The following MAGI1 variants were observed in gnomAD, a reference collection of about 807,000 sequenced individuals.
MAGI1 encodes the protein membrane-associated guanylate kinase, WW and PDZ domain-containing protein 1.
In MAGI1, 58 loss-of-function variants were observed where a neutral mutation model predicts 139.9. The ratio of observed to expected loss-of-function variants is 0.41; its 90% confidence interval spans 0.34 to 0.52. The LOEUF is 0.52. Among genes scored for constraint, MAGI1 ranks in the 20% least tolerant of loss-of-function variants. The probability of loss-of-function intolerance (pLI) is 0.12; values close to 1 mark genes in which losing one functional copy is unlikely to be tolerated. For synonymous variants in MAGI1, 812 were observed against 737.9 expected (o/e 1.10, Z -1.63); for missense variants, 1,874 against 1,901.6 (o/e 0.99, Z 0.27).
rs60483769 is a variant in MAGI1 at position 65,998,448 on chromosome 3, A to G, written c.313+39548T>C. On this transcript the variant is annotated intron_variant, in intron 1 of 22. Coordinates refer to ENST00000402939, the MANE Select transcript of MAGI1 (RefSeq NM_001033057.2). ...AAACATTTGCTGAAGTAACAAATGA[A>G]AAGACTCAACTTGTTAGCACTTGCA... 1.4e-4 allele frequency among the ~76,000 whole-genome samples: 22 copies of G among 152,378 alleles called. No individual in the cohort carries two copies. The East Asian group carries it at 2.5e-3, about 17-fold the overall frequency.
intron 1 of MAGI1, among the ~76,000 whole-genome samples, chr3:65,990,746 G>A (rs1220756799): frequency 6.6e-6 from 1 of 152,150 alleles, no homozygotes; most frequent in African/African-American, 2.4e-5. Flanking sequence ...TATATATACA[G>A]ATACAGAAAT....
rs1947329074 is a variant in MAGI1, at chr3:65,429,627, A to T, written c.2060T>A (p.Val687Glu). The T allele has an allele frequency of 1.2e-6, 2 of 1,613,900 alleles. No individual in the cohort carries two copies. Among genetic ancestry groups the T allele is most frequent in the East Asian group, 2.2e-5 (1 of 44,850 alleles). Reference protein sequence around the residue: ...CRGLKEGDLIVEVNKKNVQAL... With the variant: ...CRGLKEGDLIEEVNKKNVQAL... ...CTGCACGTTCTTCTTATTAACTTCC[A>T]CTATGAGATCCCCTTCTTTCAGGCC... Residue 687 changes from valine (V) to glutamate (E), a missense_variant, in exon 12 of 23, where the codon GTG becomes GAG. Transcript: ENST00000402939.
intron 2 of MAGI1, among the ~76,000 whole-genome samples, chr3:65,509,757 A>T (rs1307733377): frequency 6.6e-6 from 1 of 152,064 alleles, no homozygotes; most frequent in Non-Finnish European, 1.5e-5. Context: ...AGGCTTGCTT[A>T]GGTAAACAAA....
At chr3:65,818,844 G>C (rs933831771) in intron 1 of MAGI1, among the ~76,000 whole-genome samples, 2 of 152,176 alleles carry the variant, frequency 1.3e-5, no homozygotes, top group Admixed American at 6.5e-5. Context: ...CCAGAATGCA[G>C]AAGACTCCTA....
chr3:65,693,674 T>G (rs1057285002), intron 1 of MAGI1, among the ~76,000 whole-genome samples: 2 of 152,084 alleles, frequency 1.3e-5, no homozygotes, highest in African/African-American at 4.8e-5. Flanking sequence ...TGTTGAATTC[T>G]GACAGGGTAT....
chr3:65,810,192 T>C (rs1189899775), intron 1 of MAGI1, among the ~76,000 whole-genome samples: 4 of 152,204 alleles, frequency 2.6e-5, no homozygotes, highest in Non-Finnish European at 5.9e-5. Flanking sequence ...AAGAAATGCA[T>C]GCTAATGGTG....
chr3:65,993,877 C>G (rs2066302975), intron 1 of MAGI1, among the ~76,000 whole-genome samples: 1 of 152,172 alleles, frequency 6.6e-6, no homozygotes, highest in Non-Finnish European at 1.5e-5. Flanking sequence ...AACCTCTAGT[C>G]TGTGCTCCCT....
At chr3:65,503,557 G>A (rs923132402) in intron 2 of MAGI1, among the ~76,000 whole-genome samples, 3 of 152,180 alleles carry the variant, frequency 2.0e-5, no homozygotes, top group African/African-American at 7.2e-5. Flanking sequence ...TTCAACAGCA[G>A]GTGTGTAAAG....
At chr3:65,719,946 C>G (rs2032803206) in intron 1 of MAGI1, 1 of 152,184 alleles carries the variant, frequency 6.6e-6, no homozygotes, top group Non-Finnish European at 1.5e-5. Context: ...TCTTAATTGT[C>G]TATAGTTTAT....
At chr3:65,574,965 A>G (rs2081117175) in intron 2 of MAGI1, among the ~76,000 whole-genome samples, 1 of 152,122 alleles carries the variant, frequency 6.6e-6, no homozygotes, top group Non-Finnish European at 1.5e-5. Flanking sequence ...ACCGAAAACC[A>G]TAAAACTTAT....
intron 2 of MAGI1, among the ~76,000 whole-genome samples, chr3:65,568,437 A>AT (rs1158379203): frequency 6.6e-6 from 1 of 152,146 alleles, no homozygotes; most frequent in Non-Finnish European, 1.5e-5. Flanking sequence ...AGGGCACATA[A>AT]TAGTGTCAAC....
intron 2 of MAGI1, among the ~76,000 whole-genome samples, chr3:65,524,546 A>C (rs1222840870): frequency 6.6e-6 from 1 of 152,214 alleles, no homozygotes; most frequent in Non-Finnish European, 1.5e-5. Context: ...TGCATCATTC[A>C]ATTCCACAGT....
chr3:65,927,673 T>A (rs1172662366), intron 1 of MAGI1, among the ~76,000 whole-genome samples: 2 of 152,180 alleles, frequency 1.3e-5, no homozygotes, highest in African/African-American at 4.8e-5. Flanking sequence ...AATGATACAA[T>A]GAGGAAAACC....
At chr3:65,965,138 A>C (rs533902035) in intron 1 of MAGI1, among the ~76,000 whole-genome samples, 257 of 152,272 alleles carry the variant, frequency 1.7e-3, no homozygotes, top group African/African-American at 5.7e-3. Context: ...TACCTTCAAA[A>C]CAGATGCAAC....
chr3:65,496,021 G>A (rs975038497), intron 2 of MAGI1, among the ~76,000 whole-genome samples: 1 of 152,010 alleles, frequency 6.6e-6, no homozygotes, highest in African/African-American at 2.4e-5. Flanking sequence ...TTGAGCAAGG[G>A]GGTGCGTTGA....
intron 1 of MAGI1, among the ~76,000 whole-genome samples, chr3:65,633,590 C>A (rs1326335233): frequency 6.6e-6 from 1 of 151,974 alleles, no homozygotes; most frequent in Non-Finnish European, 1.5e-5. Context: ...AATTTCATCC[C>A]GCAGTGAGAA....
At chr3:65,563,426 TG>T (rs2080462918) in intron 2 of MAGI1, among the ~76,000 whole-genome samples, 1 of 152,184 alleles carries the variant, frequency 6.6e-6, no homozygotes, top group African/African-American at 2.4e-5. Context: ...GCTGGCCTGA[TG>T]TTGCAGAAAT....
At chr3:65,861,240 C>A (rs1169088604) in intron 1 of MAGI1, among the ~76,000 whole-genome samples, 1 of 152,168 alleles carries the variant, frequency 6.6e-6, no homozygotes, top group Non-Finnish European at 1.5e-5. Flanking sequence ...AAGGCTGTTG[C>A]AAATATTTGA....
intron 1 of MAGI1, among the ~76,000 whole-genome samples, chr3:65,660,228 G>A (rs2086117828): frequency 6.6e-6 from 1 of 152,224 alleles, no homozygotes; most frequent in South Asian, 2.1e-4. Context: ...TATTCACTAA[G>A]TGAGTGTCTC....
Sources: allele counts gnomAD v4.1 joint callset (sites outside exome capture counted in the v4.1 genomes callset), GRCh38; gene constraint gnomAD v4.1.1; transcripts MANE v1.5; gene names NCBI Gene and HGNC (gene_info 2026-07-23, HGNC 2026-07-21).